Variants in CDK19 observed in about 807,000 individuals in gnomAD.
CDK19 encodes cyclin dependent kinase 19.
CDK19 carries 20 observed loss-of-function variants against 68.3 expected under a neutral mutation model. The ratio of observed to expected loss-of-function variants is 0.29; its 90% CI spans 0.21 to 0.43. CDK19 has a LOEUF of 0.43. Ranked by LOEUF, CDK19 falls within the 20% of genes least tolerant of loss-of-function variation. The probability of loss-of-function intolerance (pLI) is 1.00; values close to 1 mark genes in which losing one functional copy is unlikely to be tolerated. For synonymous variants in CDK19, 221 were observed against 222.8 expected (o/e 0.99, Z 0.07); for missense variants, 339 against 623.5 (o/e 0.54, Z 4.86).
intron 4 of CDK19, chr6:110,645,607 A>C (rs1218903528): frequency 4.2e-6 from 1 of 239,410 alleles, no homozygotes; most frequent in Non-Finnish European, 8.4e-6. Flanking sequence ...GATGCACATC[A>C]TCCTCGGTCC....
At position 110,663,879 on chromosome 6, in the gene CDK19, G is replaced by A. The variant is rs573806302; in HGVS notation, c.456+3555C>T. The stretch of plus-strand genomic sequence containing the variant: ...AGAGTTACTCACTTGAGGAGTTGGA[G>A]GCATTCAGTAAATGTGTGGGTAAAA... On this transcript the variant is annotated intron_variant, in intron 4 of 12. Transcript: ENST00000368911. Among the ~76,000 whole-genome samples the A allele has an allele frequency of 4.6e-5, 7 of 152,172 alleles. No homozygotes were observed. In the South Asian group the frequency reaches 1.5e-3, roughly 32 times the overall value.
intron 2 of CDK19, among the ~76,000 whole-genome samples, chr6:110,737,061 A>T (rs1777298589): frequency 6.6e-6 from 1 of 152,246 alleles, no homozygotes; most frequent in South Asian, 2.1e-4. Context: ...TTCCATCATA[A>T]GCCACCAATT....
rs1783539211 is a variant in CDK19 at position 110,815,238 on chromosome 6, C to G, written c.-102G>C. 7.9e-7 allele frequency: 1 copy of G among 1,273,378 alleles called. No homozygotes were observed. Among genetic ancestry groups the G allele is most frequent in the African/African-American group, 1.6e-5 (1 of 62,878 alleles). The allele number at this position is 1,273,378 out of a possible 1,614,324, so 78.9% of individuals were successfully genotyped here. On this transcript the variant is annotated 5_prime_UTR_variant, in exon 1 of 13. Transcript: ENST00000368911. ...GCCGCTCCACTTCTCCAACAGCCGC[C>G]TCTCGCGCGCGCGCGCGCGCCGCCC...
intron 2 of CDK19, among the ~76,000 whole-genome samples, chr6:110,682,452 C>T (rs188217554): frequency 6.6e-6 from 1 of 152,316 alleles, no homozygotes; most frequent in African/African-American, 2.4e-5. Context: ...AAAGTTGACA[C>T]TTTCACACCT....
intron 12 of CDK19, among the ~76,000 whole-genome samples, chr6:110,616,621 T>C (rs1449141514): frequency 6.6e-6 from 1 of 151,650 alleles, no homozygotes; most frequent in Non-Finnish European, 1.5e-5. Flanking sequence ...TGAGTCAAGA[T>C]TGGCGCCACT....
chr6:110,748,022 A>G (rs1322128104), intron 1 of CDK19, among the ~76,000 whole-genome samples: 1 of 152,238 alleles, frequency 6.6e-6, no homozygotes, highest in African/African-American at 2.4e-5. Context: ...CTATTGCTAA[A>G]TATTTAAGTT....
At chr6:110,715,678 G>A (rs1775332791) in intron 2 of CDK19, among the ~76,000 whole-genome samples, 1 of 152,102 alleles carries the variant, frequency 6.6e-6, no homozygotes, top group African/African-American at 2.4e-5. Flanking sequence ...TAGGGATGGG[G>A]TTTTGCCATG....
At chr6:110,626,077 G>T (rs760116178) in intron 8 of CDK19, among the ~76,000 whole-genome samples, 3 of 152,124 alleles carry the variant, frequency 2.0e-5, no homozygotes, top group Non-Finnish European at 2.9e-5. Flanking sequence ...AGGTTTCCTA[G>T]TCCAGCATGT....
rs372943902 is a variant in CDK19 at position 110,660,924 on chromosome 6, C to T, written c.456+6510G>A. Among the ~76,000 whole-genome samples the T allele has an allele frequency of 9.9e-5, 15 of 152,252 alleles. No homozygotes were observed. In the East Asian group the frequency reaches 2.9e-3, roughly 29 times the overall value. ...TTTAGGCTTGAGGGTAGGAACTTCA[C>T]CAGGGACCCACCCTCTTCTGCCCAG... On this transcript the variant is annotated intron_variant, in intron 4 of 12. Transcript: ENST00000368911.
intron 1 of CDK19, among the ~76,000 whole-genome samples, chr6:110,776,141 G>A (rs980142398): frequency 3.3e-5 from 5 of 152,150 alleles, no homozygotes; most frequent in African/African-American, 1.2e-4. Flanking sequence ...AAGAACCAGA[G>A]AAAATAGCCA....
chr6:110,810,112 A>G (rs989402850), intron 1 of CDK19, among the ~76,000 whole-genome samples: 1 of 152,216 alleles, frequency 6.6e-6, no homozygotes, highest in East Asian at 1.9e-4. Context: ...TACGAGTTCA[A>G]TGCTACAGAA....
At chr6:110,688,211 C>T (rs867984180) in intron 2 of CDK19, among the ~76,000 whole-genome samples, 2 of 151,982 alleles carry the variant, frequency 1.3e-5, no homozygotes, top group African/African-American at 4.8e-5. Flanking sequence ...CATGGCGAAA[C>T]CTCATCTCTA....
intron 3 of CDK19, among the ~76,000 whole-genome samples, chr6:110,667,872 T>C (rs1174268485): frequency 1.3e-5 from 2 of 152,150 alleles, no homozygotes; most frequent in East Asian, 1.9e-4. Context: ...AAGAAGAGTA[T>C]TATATTCTCT....
chr6:110,787,356 A>G (rs1209672728), intron 1 of CDK19, among the ~76,000 whole-genome samples: 1 of 149,958 alleles, frequency 6.7e-6, no homozygotes, highest in Non-Finnish European at 1.5e-5. Context: ...CTTGGGTGAC[A>G]GAGCAAGGCT....
At chr6:110,673,258 G>A (rs557235074) in intron 2 of CDK19, among the ~76,000 whole-genome samples, 10 of 152,172 alleles carry the variant, frequency 6.6e-5, no homozygotes, top group African/African-American at 2.4e-4. Flanking sequence ...GTTCATTTGT[G>A]TTGTAGCATG....
chr6:110,759,430 T>A (rs868628892), intron 1 of CDK19, among the ~76,000 whole-genome samples: 1,051 of 90,098 alleles, frequency 0.012, 9 homozygotes, highest in African/African-American at 0.023. Context: ...AAAAAAAAAA[T>A]ATATATATAT....
intron 2 of CDK19, among the ~76,000 whole-genome samples, chr6:110,721,490 G>C (rs1215055902): frequency 6.6e-6 from 1 of 151,952 alleles, no homozygotes. Context: ...GTTTAGGTAA[G>C]GTTCCCAGCC....
intron 1 of CDK19, among the ~76,000 whole-genome samples, chr6:110,760,491 G>A (rs1306888981): frequency 6.6e-6 from 1 of 151,678 alleles, no homozygotes; most frequent in East Asian, 1.9e-4. Flanking sequence ...ACTTTGGGAG[G>A]CTGAGGCGGG....
chr6:110,710,290 T>C (rs1774848170), intron 2 of CDK19, among the ~76,000 whole-genome samples: 1 of 152,340 alleles, frequency 6.6e-6, no homozygotes, highest in East Asian at 1.9e-4. Flanking sequence ...GTTCTGGCTC[T>C]TCAGCAACTC....
Sources: gnomAD v4.1 joint callset for allele counts (sites outside exome capture counted in the v4.1 genomes callset) on GRCh38, gnomAD v4.1.1 for gene constraint, MANE v1.5 for transcripts, NCBI Gene and HGNC (gene_info 2026-07-23, HGNC 2026-07-21) for gene names.